Variants in PAK5 observed in about 807,000 individuals in gnomAD.
The protein encoded by PAK5 is serine/threonine-protein kinase PAK 5.
Under a neutral mutation model 65.9 loss-of-function variants are expected in PAK5, and 16 were observed. The observed-to-expected ratio is 0.24, with a 90% CI of 0.16 to 0.37. PAK5 has a LOEUF of 0.37. PAK5 is among the 10% of genes least tolerant of loss of function. The pLI is 1.00. For missense variants in PAK5, 785 were observed against 903.9 expected (o/e 0.87, Z 1.69); for synonymous variants, 371 against 354.9 (o/e 1.05, Z -0.51).
At chr20:9,649,060 G>T (rs2327204) in intron 2 of PAK5, among the ~76,000 whole-genome samples, 4 of 152,308 alleles carry the variant, frequency 2.6e-5, no homozygotes, top group African/African-American at 9.6e-5. Flanking sequence ...GTGTAGGTAT[G>T]TTTCAGTACA....
At chr20:9,543,828 G>T (rs2045303984) in intron 8 of PAK5, among the ~76,000 whole-genome samples, 1 of 152,076 alleles carries the variant, frequency 6.6e-6, no homozygotes, top group Non-Finnish European at 1.5e-5. Flanking sequence ...AAGAGTGATT[G>T]TTTTCATTCC....
intron 1 of PAK5, among the ~76,000 whole-genome samples, chr20:9,766,128 AG>A (rs1389439252): frequency 2.6e-5 from 4 of 151,756 alleles, no homozygotes; most frequent in African/African-American, 9.7e-5. Context: ...AGGCTGGGGC[AG>A]AAGAATCACT....
At chr20:9,575,383 T>C (rs1467955455) in intron 4 of PAK5, among the ~76,000 whole-genome samples, 1 of 152,098 alleles carries the variant, frequency 6.6e-6, no homozygotes, top group Admixed American at 6.5e-5. Context: ...ACTTTAGAGA[T>C]GATGAAACTG....
chr20:9,647,270 C>T (rs746289630), intron 2 of PAK5, among the ~76,000 whole-genome samples: 1 of 152,216 alleles, frequency 6.6e-6, no homozygotes, highest in Non-Finnish European at 1.5e-5. Flanking sequence ...CAATAATTAG[C>T]TCTATACACC....
At chr20:9,782,645 C>G (rs1203972119) in intron 1 of PAK5, among the ~76,000 whole-genome samples, 2 of 152,272 alleles carry the variant, frequency 1.3e-5, no homozygotes, top group Middle Eastern at 3.4e-3. Flanking sequence ...CTCCATTCTC[C>G]CTTTCATTCA....
chr20:9,815,302 G>T (rs1485823086), intron 1 of PAK5, among the ~76,000 whole-genome samples: 1 of 152,162 alleles, frequency 6.6e-6, no homozygotes, highest in African/African-American at 2.4e-5. Flanking sequence ...TTTAATATCT[G>T]CATTGAAAAT....
intron 3 of PAK5, among the ~76,000 whole-genome samples, chr20:9,625,102 A>G (rs1382742249): frequency 1.3e-5 from 2 of 152,094 alleles, no homozygotes; most frequent in East Asian, 3.9e-4. Context: ...CTCCACTGGC[A>G]TCACTGTCTC....
chr20:9,751,088 A>G (rs940447202), intron 1 of PAK5, among the ~76,000 whole-genome samples: 1 of 152,190 alleles, frequency 6.6e-6, no homozygotes. Flanking sequence ...TTTCCAAATT[A>G]GTCATGCTAA....
intron 2 of PAK5, among the ~76,000 whole-genome samples, chr20:9,676,188 A>G (rs2047569572): frequency 6.6e-6 from 1 of 152,148 alleles, no homozygotes; most frequent in Non-Finnish European, 1.5e-5. Flanking sequence ...ACTTACTATC[A>G]CAAGAACAGC....
chr20:9,681,282 T>C (rs961748009), intron 2 of PAK5, among the ~76,000 whole-genome samples: 4 of 152,180 alleles, frequency 2.6e-5, no homozygotes, highest in South Asian at 2.1e-4. Flanking sequence ...TCATTATATT[T>C]AAGGGATGTC....
chr20:9,785,306 G>C (rs1244161184), intron 1 of PAK5, among the ~76,000 whole-genome samples: 2 of 152,128 alleles, frequency 1.3e-5, no homozygotes, highest in Non-Finnish European at 2.9e-5. Context: ...ACTTGCCTTA[G>C]TATACTCATT....
chr20:9,733,287 G>T (rs557490470), intron 1 of PAK5, among the ~76,000 whole-genome samples: 102 of 152,128 alleles, frequency 6.7e-4, no homozygotes, highest in Non-Finnish European at 6.8e-4. Flanking sequence ...CTTTTATTCA[G>T]CTTTATTGAG....
chr20:9,723,058 C>T (rs1385961241), intron 1 of PAK5, among the ~76,000 whole-genome samples: 1 of 152,018 alleles, frequency 6.6e-6, no homozygotes, highest in East Asian at 1.9e-4. Flanking sequence ...ATTGGTCTTA[C>T]AATAAAGTCC....
chr20:9,831,882 T>C (rs1277808738), intron 1 of PAK5, among the ~76,000 whole-genome samples: 1 of 152,210 alleles, frequency 6.6e-6, no homozygotes, highest in Non-Finnish European at 1.5e-5. Flanking sequence ...AGAGATTGCC[T>C]AACTTTTTAA....
At chr20:9,817,729 G>A (rs2049374111) in intron 1 of PAK5, among the ~76,000 whole-genome samples, 2 of 152,148 alleles carry the variant, frequency 1.3e-5, no homozygotes. Context: ...TTCACAACTA[G>A]TGGTCTGGAC....
chr20:9,829,724 C>G (rs935003871), intron 1 of PAK5, among the ~76,000 whole-genome samples: 1 of 152,130 alleles, frequency 6.6e-6, no homozygotes, highest in African/African-American at 2.4e-5. Context: ...TGTTACAGAT[C>G]TCAATATTTA....
intron 1 of PAK5, among the ~76,000 whole-genome samples, chr20:9,733,494 G>A (rs1288280214): frequency 1.3e-5 from 2 of 150,704 alleles, no homozygotes; most frequent in Non-Finnish European, 3.0e-5. Flanking sequence ...ACCTAGCCTG[G>A]AGTGCAGTGG....
At chr20:9,547,690 T>A (rs1314775844) in intron 7 of PAK5, among the ~76,000 whole-genome samples, 1 of 152,104 alleles carries the variant, frequency 6.6e-6, no homozygotes, top group African/African-American at 2.4e-5. Flanking sequence ...ACAGGGTTTT[T>A]AAAGCATCCC....
intron 1 of PAK5, among the ~76,000 whole-genome samples, chr20:9,786,791 T>C (rs765155515): frequency 6.6e-6 from 1 of 152,164 alleles, no homozygotes; most frequent in Non-Finnish European, 1.5e-5. Context: ...GTTTCAATAC[T>C]TTTTTAGTCT....
Sources: allele counts gnomAD v4.1 joint callset (sites outside exome capture counted in the v4.1 genomes callset), GRCh38; gene constraint gnomAD v4.1.1; transcripts MANE v1.5; gene names NCBI Gene and HGNC (gene_info 2026-07-23, HGNC 2026-07-21).